VAV3: variants seen among roughly 807,000 people sequenced by gnomAD.
VAV3 encodes the protein guanine nucleotide exchange factor VAV3.
VAV3 carries 94 observed loss-of-function variants against 131.2 expected under a neutral mutation model. The ratio of observed to expected loss-of-function variants is 0.72; its 90% CI spans 0.61 to 0.85. The LOEUF (loss-of-function observed/expected upper bound fraction) is 0.85, where lower values mean the gene tolerates loss of function less well. VAV3 is among the 40% of genes least tolerant of loss of function. The pLI is 0.00. For missense variants in VAV3, 939 were observed against 1,002.7 expected (o/e 0.94, Z 0.86); for synonymous variants, 349 against 342.0 (o/e 1.02, Z -0.22).
At chr1:107,880,961 T>C (rs1670744049) in intron 1 of VAV3, among the ~76,000 whole-genome samples, 1 of 152,126 alleles carries the variant, frequency 6.6e-6, no homozygotes, top group South Asian at 2.1e-4. Context: ...TCAGAAAAGT[T>C]TTAATTTTTT....
At chr1:107,585,598 TAGCACTGAC>T (rs1444049636) in intron 25 of VAV3, among the ~76,000 whole-genome samples, 1 of 152,090 alleles carries the variant, frequency 6.6e-6, no homozygotes, top group African/African-American at 2.4e-5. Context: ...ACCCCTCCCT[TAGCACTGAC>T]AGTTCTCTCT....
Position 107,798,059 on chromosome 1 carries a change from C to T in VAV3, c.322-18567G>A, listed in dbSNP as rs1182805802. ...TTTACTTTTAGCCTTCTGCTTTCCC[C>T]TAAATATTAATCTAGATAATATCTT... On this transcript the variant is annotated intron_variant, in intron 2 of 26. Coordinates refer to ENST00000370056, the MANE Select transcript of VAV3 (RefSeq NM_006113.5). Among the ~76,000 whole-genome samples the T allele has an allele frequency of 2.0e-5, 3 of 152,092 alleles. No individual in the cohort carries two copies. The East Asian group carries it at 5.8e-4, about 29-fold the overall frequency.
chr1:107,909,950 G>A (rs987739355), intron 1 of VAV3, among the ~76,000 whole-genome samples: 1 of 152,122 alleles, frequency 6.6e-6, no homozygotes, highest in Non-Finnish European at 1.5e-5. Context: ...ATTAAGAAGT[G>A]GCAGACATCA....
rs1440269960 is a variant in VAV3 at position 107,680,353 on chromosome 1, T to C, written c.1777+3135A>G. ...CTGAAAATGACTGTGATTATGTAGC[T>C]TCTTATTTCAACAGAAATTCAACAT... is the stretch of plus-strand genomic sequence containing the variant. On this transcript the variant is annotated intron_variant, in intron 19 of 26. Coordinates refer to ENST00000370056, the MANE Select transcript of VAV3 (RefSeq NM_006113.5). 2.0e-5 allele frequency among the ~76,000 whole-genome samples: 3 copies of C among 152,176 alleles called. No homozygotes were observed. In the East Asian group the frequency reaches 5.8e-4, roughly 29 times the overall value.
chr1:107,889,129 TA>T (rs1557904064), intron 1 of VAV3, among the ~76,000 whole-genome samples: 1 of 55,042 alleles, frequency 1.8e-5, no homozygotes, highest in Non-Finnish European at 3.5e-5. Flanking sequence ...TTCTCCTGTG[TA>T]GAGTGTGTGT....
In VAV3 at chr1:107,817,117, G is replaced by A. The variant is rs560944158; in HGVS notation, c.322-37625C>T. Among the ~76,000 whole-genome samples the A allele has an allele frequency of 5.3e-5, 8 of 152,264 alleles. No individual in the cohort carries two copies. In the South Asian group the frequency reaches 1.7e-3, roughly 32 times the overall value. ...ACATATTCATGGCTCTTGCTCTGAA[G>A]GAGTTCACTACTTACTGGGGAAAGA... On this transcript the variant is annotated intron_variant, in intron 2 of 26. Coordinates refer to ENST00000370056, the MANE Select transcript of VAV3 (RefSeq NM_006113.5).
intron 19 of VAV3, among the ~76,000 whole-genome samples, chr1:107,653,897 T>C (rs1656353581): frequency 6.6e-6 from 1 of 152,036 alleles, no homozygotes; most frequent in South Asian, 2.1e-4. Flanking sequence ...TTCTTAACAG[T>C]GTCTATAATA....
At chr1:107,874,838 T>C (rs766881675) in intron 2 of VAV3, 63 bp downstream of exon 2, 7 of 1,430,730 alleles carry the variant, frequency 4.9e-6, no homozygotes, top group Non-Finnish European at 6.9e-6. Flanking sequence ...ACTTCAAGAT[T>C]TGAAACAATT....
chr1:107,799,167 G>A (rs1249520300), intron 2 of VAV3, among the ~76,000 whole-genome samples: 2 of 152,048 alleles, frequency 1.3e-5, no homozygotes, highest in East Asian at 3.8e-4. Flanking sequence ...GTAAATTGTG[G>A]ATTTCACTTT....
At chr1:107,733,522 T>C (rs1662391800) in intron 15 of VAV3, among the ~76,000 whole-genome samples, 1 of 152,062 alleles carries the variant, frequency 6.6e-6, no homozygotes, top group African/African-American at 2.4e-5. Flanking sequence ...CTAACTAGAA[T>C]AAACAGTGTA....
intron 2 of VAV3, among the ~76,000 whole-genome samples, chr1:107,779,986 T>C (rs1405957781): frequency 6.6e-6 from 1 of 152,186 alleles, no homozygotes; most frequent in African/African-American, 2.4e-5. Context: ...TACACAGTTA[T>C]CAAAAAATTT....
At position 107,609,963 on chromosome 1, in the gene VAV3, C is replaced by T. The variant is rs751722264; in HGVS notation, c.1983G>A (p.Val661=). The T allele has an allele frequency of 6.2e-7, 1 of 1,613,270 alleles. No homozygotes were observed. Among genetic ancestry groups the T allele is most frequent in the Non-Finnish European group, 8.5e-7 (1 of 1,179,494 alleles). ...PSDAVKPCPC[V]PKPVDYSCQP... The stretch of plus-strand genomic sequence containing the variant: ...GGCAAGAATAATCTACTGGTTTGGG[C>T]ACCTAGGATATAAAAAAGCAAAAAC... The change falls in exon 22 of 27, where the codon GTG becomes GTA. Residue 661 remains valine (V), a splice_region_variant and synonymous_variant. Coordinates refer to ENST00000370056, the MANE Select transcript of VAV3 (RefSeq NM_006113.5).
chr1:107,728,181 C>T (rs962299680), intron 15 of VAV3, among the ~76,000 whole-genome samples: 1 of 152,160 alleles, frequency 6.6e-6, no homozygotes, highest in Non-Finnish European at 1.5e-5. Context: ...AATCCACTGG[C>T]TCCTGGACAG....
At chr1:107,601,515 A>G (rs1426984355) in intron 24 of VAV3, among the ~76,000 whole-genome samples, 1 of 152,170 alleles carries the variant, frequency 6.6e-6, no homozygotes, top group Non-Finnish European at 1.5e-5. Flanking sequence ...AGTATGTATC[A>G]TTTGATTGAT....
At chr1:107,720,547 G>A (rs1014802665) in intron 15 of VAV3, among the ~76,000 whole-genome samples, 35 of 149,742 alleles carry the variant, frequency 2.3e-4, no homozygotes, top group African/African-American at 7.4e-4. Flanking sequence ...GTGGGGTGGC[G>A]CATGCCTATA....
chr1:107,909,063 TGAAA>T (rs1672247047), intron 1 of VAV3, among the ~76,000 whole-genome samples: 1 of 152,180 alleles, frequency 6.6e-6, no homozygotes, highest in African/African-American at 2.4e-5. Context: ...TACAAATAAC[TGAAA>T]GAAAAATATT....
intron 25 of VAV3, among the ~76,000 whole-genome samples, chr1:107,588,431 C>T (rs1200244839): frequency 1.3e-5 from 2 of 152,132 alleles, no homozygotes; most frequent in African/African-American, 4.8e-5. Context: ...TCAAATGAGG[C>T]TAATGTAACA....
intron 1 of VAV3, among the ~76,000 whole-genome samples, chr1:107,955,006 G>T (rs999074647): frequency 6.6e-6 from 1 of 152,292 alleles, no homozygotes; most frequent in South Asian, 2.1e-4. Context: ...TGCATGGAAA[G>T]CTTTAGTAAC....
intron 19 of VAV3, among the ~76,000 whole-genome samples, chr1:107,658,161 C>T (rs184713723): frequency 6.6e-6 from 1 of 152,192 alleles, no homozygotes; most frequent in East Asian, 1.9e-4. Context: ...CAATATATAG[C>T]TAAAGAATAA....
Sources: gnomAD v4.1 joint callset for allele counts (sites outside exome capture counted in the v4.1 genomes callset) on GRCh38, gnomAD v4.1.1 for gene constraint, MANE v1.5 for transcripts, NCBI Gene and HGNC (gene_info 2026-07-23, HGNC 2026-07-21) for gene names.